The following MDGA1 variants were observed in gnomAD, a reference collection of about 807,000 sequenced individuals.
The protein encoded by MDGA1 is MAM domain-containing glycosylphosphatidylinositol anchor protein 1.
In MDGA1, 54 loss-of-function variants were observed where a neutral mutation model predicts 101.5. The observed-to-expected ratio is 0.53, with a 90% CI of 0.43 to 0.67. The LOEUF is 0.67. Ranked by LOEUF, MDGA1 falls within the 30% of genes least tolerant of loss-of-function variation. The probability of loss-of-function intolerance (pLI) is 0.00; values close to 1 mark genes in which losing one functional copy is unlikely to be tolerated. For missense variants in MDGA1, 1,083 were observed against 1,323.8 expected, an observed-to-expected ratio of 0.82 and a Z score of 2.82; for synonymous variants, 533 against 558.3, an observed-to-expected ratio of 0.95 and a Z score of 0.64.
intron 1 of MDGA1, among the ~76,000 whole-genome samples, chr6:37,666,037 C>T (rs1430167062): frequency 2.6e-5 from 4 of 152,034 alleles, no homozygotes; most frequent in South Asian, 2.1e-4. Flanking sequence ...CCCCATAGAA[C>T]GCAATCCTCT....
At chr6:37,647,008 C>T (rs932207491) in intron 10 of MDGA1, among the ~76,000 whole-genome samples, 165 bp downstream of exon 10, 1 of 152,200 alleles carries the variant, frequency 6.6e-6, no homozygotes, top group Non-Finnish European at 1.5e-5. Context: ...CAATCTCTTG[C>T]TGCTATGTCC....
Position 37,652,135 on chromosome 6 carries a change from G to T in MDGA1, c.1188C>A (p.Val396=). The T allele has an allele frequency of 6.2e-7, 1 of 1,613,916 alleles. No individual in the cohort carries two copies. Among genetic ancestry groups the T allele is most frequent in the South Asian group, 1.1e-5 (1 of 91,052 alleles). ...GGTCAATGAGCTCTAGGCTGCTGGT[G>T]ACTGCGGGCAGCTCAGGATCATTGC... ...VTRNDPELPA[V]TSSLELIDLH... Residue 396 remains valine (V), a synonymous_variant, in exon 7 of 17, where the codon GTC becomes GTA. Coordinates refer to ENST00000434837, the MANE Select transcript of MDGA1 (RefSeq NM_153487.4). The surrounding 1 kb of genome is among the most constrained non-coding windows in gnomAD (Gnocchi z 4.3).
In MDGA1 at chr6:37,654,360, T is replaced by C. The variant is rs781235121; in HGVS notation, c.896A>G (p.Gln299Arg). The change falls in exon 6 of 17, where the codon CAG becomes CGG. Residue 299 changes from glutamine to arginine, a missense_variant. Gln to Arg is a conservative substitution (Grantham distance 43). Around this residue, in one of 3 missense-constraint regions of MDGA1, gnomAD observed 116 missense variants for 196.6 expected, o/e 0.59. Coordinates refer to ENST00000434837, the MANE Select transcript of MDGA1 (RefSeq NM_153487.4). ...QGGTLSIPSV[Q>R]ARDSGYYNCT... ...GTTGTAGTAGCCAGAGTCCCGGGCC[T>C]GCACTGAAGGGATGCTGAGGGTGCC... 8.1e-6 allele frequency: 13 copies of C among 1,612,632 alleles called. No homozygotes were observed. Among genetic ancestry groups the C allele is most frequent in the Admixed American group, 5.0e-5 (3 of 59,866 alleles).
In MDGA1 at chr6:37,658,329, G is replaced by A. The variant is rs1201721134; in HGVS notation, c.298C>T (p.Arg100Cys). The change falls in exon 3 of 17, where the codon CGC (arginine) becomes TGC (cysteine). Residue 100 changes from arginine to cysteine, a missense_variant. Physicochemically the swap from Arg to Cys is radical, Grantham distance 180. Coordinates refer to ENST00000434837, the MANE Select transcript of MDGA1 (RefSeq NM_153487.4). ...CAGTAGTAGCGGCCGCCCTGCGTGCGTGCAATACGCTCGATGCGCAGCGTC... is the reference window on the plus strand; with the variant it reads ...CAGTAGTAGCGGCCGCCCTGCGTGCATGCAATACGCTCGATGCGCAGCGTC... ...NETLRIERIARTQGGRYYCKA... is the reference protein window; with the variant it reads ...NETLRIERIACTQGGRYYCKA... 1 of 1,612,972 alleles carries A rather than the reference G, an allele frequency of 6.2e-7. No homozygotes were observed. Among genetic ancestry groups the A allele is most frequent in the Non-Finnish European group, 8.5e-7 (1 of 1,179,644 alleles).
At chr6:37,685,158 C>T (rs369327539) in intron 1 of MDGA1, among the ~76,000 whole-genome samples, 2 of 152,056 alleles carry the variant, frequency 1.3e-5, no homozygotes, top group African/African-American at 4.8e-5. Flanking sequence ...AAAAATTAAC[C>T]GGGTGTGGTG....
rs1581640432 is a variant in MDGA1, at chr6:37,696,654, C to G, written c.67+91G>C. On this transcript the variant is annotated intron_variant, in intron 1 of 16. Transcript: ENST00000434837. The surrounding 1 kb of genome is among the most constrained non-coding windows in gnomAD (Gnocchi z 5.6). ...TCCACTCCAGAGTCCGAGTCGAGGT[C>G]TCCACCAAACCCCGGCAGCGCGCAC... 7 of 1,293,398 alleles carry G rather than the reference C, an allele frequency of 5.4e-6. No individual in the cohort carries two copies. In the East Asian group the frequency reaches 7.6e-5, roughly 14 times the overall value. The allele number at this position is 1,293,398 out of a possible 1,614,324, so 80.1% of individuals were successfully genotyped here.
rs377080724 is a variant in MDGA1 at position 37,647,277 on chromosome 6, G to A, written c.1942C>T (p.Arg648Cys). 11 of 1,557,882 alleles carry A rather than the reference G, an allele frequency of 7.1e-6. No individual in the cohort carries two copies. Among genetic ancestry groups the A allele is most frequent in the South Asian group, 1.2e-5 (1 of 84,384 alleles). ...EFYFDTPNPT[R>C]SHKLSKNYSY... ...TAGTTCTTGGACAGCTTGTGGCTGCGGGTGGGGTTGGGGGTGTCGAAGTAA... is the reference window on the plus strand; with the variant it reads ...TAGTTCTTGGACAGCTTGTGGCTGCAGGTGGGGTTGGGGGTGTCGAAGTAA... Residue 648 changes from arginine to cysteine, a missense_variant, in exon 10 of 17, where the codon CGC becomes TGC. This residue lies in a region of MDGA1 where 657 missense variants were observed against 771.4 expected (regional missense o/e 0.85). Coordinates refer to ENST00000434837, the MANE Select transcript of MDGA1 (RefSeq NM_153487.4).
intron 1 of MDGA1, among the ~76,000 whole-genome samples, chr6:37,692,266 C>G (rs1561866698): frequency 6.6e-6 from 1 of 152,144 alleles, no homozygotes; most frequent in Non-Finnish European, 1.5e-5. Flanking sequence ...ACACCCGATA[C>G]CTGGGACCGT....
intron 8 of MDGA1, among the ~76,000 whole-genome samples, chr6:37,649,526 T>C (rs1761306805): frequency 6.7e-6 from 1 of 149,760 alleles, no homozygotes; most frequent in Admixed American, 6.6e-5. Flanking sequence ...AGTGGGCCCC[T>C]CACCCCACGC....
intron 1 of MDGA1, among the ~76,000 whole-genome samples, chr6:37,678,566 T>TC (rs1468863919): frequency 6.6e-6 from 1 of 152,050 alleles, no homozygotes; most frequent in Non-Finnish European, 1.5e-5. Flanking sequence ...TGCCATCGGC[T>TC]CCCAGCCCCA....
At chr6:37,676,254 C>T (rs1411100453) in intron 1 of MDGA1, among the ~76,000 whole-genome samples, 1 of 152,248 alleles carries the variant, frequency 6.6e-6, no homozygotes, top group Non-Finnish European at 1.5e-5. Context: ...ACCGGAGACA[C>T]ACTGCCAGAT....
At chr6:37,660,157 T>C (rs1483693994) in intron 2 of MDGA1, among the ~76,000 whole-genome samples, 6 of 149,198 alleles carry the variant, frequency 4.0e-5, no homozygotes, top group Non-Finnish European at 8.9e-5. Flanking sequence ...GGACTACAGG[T>C]GTGTGCCACC....
chr6:37,641,723 ACTGGTTGTCCTAC>A (rs1485894114), intron 14 of MDGA1: 7 of 152,160 alleles, frequency 4.6e-5, no homozygotes, highest in African/African-American at 1.7e-4. Context: ...ACCCAAATGA[ACTGGTTGTCCTAC>A]CTGGGGAAGC....
intron 1 of MDGA1, among the ~76,000 whole-genome samples, chr6:37,667,350 C>A (rs1425630838): frequency 6.6e-6 from 1 of 152,186 alleles, no homozygotes; most frequent in African/African-American, 2.4e-5. Flanking sequence ...ATGCCTTGGG[C>A]AAGCCAATTC....
intron 1 of MDGA1, among the ~76,000 whole-genome samples, chr6:37,689,604 C>T (rs1397730225): frequency 6.6e-6 from 1 of 152,206 alleles, no homozygotes; most frequent in East Asian, 1.9e-4. Context: ...TGGGCTTTTA[C>T]AGCTGGTGTG....
intron 3 of MDGA1, among the ~76,000 whole-genome samples, chr6:37,656,377 C>CTTT (rs11396920): frequency 3.0e-4 from 43 of 142,782 alleles, no homozygotes; most frequent in Admixed American, 8.3e-4. Flanking sequence ...CGCCCGGACT[C>CTTT]TTTTTTTTTT....
At chr6:37,673,619 G>A (rs904477862) in intron 1 of MDGA1, among the ~76,000 whole-genome samples, 6 of 152,080 alleles carry the variant, frequency 3.9e-5, no homozygotes, top group African/African-American at 9.7e-5. Context: ...TCACTGCATC[G>A]GGAGTTGCTC....
Position 37,638,001 on chromosome 6 carries a change from G to T in MDGA1, c.2776+204C>A. 1 of 610,482 alleles carries T rather than the reference G, an allele frequency of 1.6e-6. No individual in the cohort carries two copies. The allele number at this position is 610,482 out of a possible 1,614,324, so 37.8% of individuals were successfully genotyped here. On this transcript the variant is annotated intron_variant, in intron 16 of 16. Transcript: ENST00000434837. The surrounding 1 kb of genome is among the most constrained non-coding windows in gnomAD (Gnocchi z 4.8). ...TCAGTATGCTCATCACGAGGGTGGG[G>T]GCCAGGCTTCTCATTGTTTACACAA... is the stretch of plus-strand genomic sequence containing the variant.
In MDGA1 at chr6:37,646,306, A is replaced by T. The variant is rs775637458; in HGVS notation, c.2116T>A (p.Tyr706Asn). The T allele has an allele frequency of 6.3e-7, 1 of 1,596,242 alleles. No individual in the cohort carries two copies. The highest frequency in any genetic ancestry group is 8.5e-7 in the Non-Finnish European group (1 of 1,170,576). ...RRVEKGQLLE[Y>N]ILTDLRVPHS... The stretch of plus-strand genomic sequence containing the variant: ...GGCACACGGAGATCGGTCAGGATGT[A>T]CTCCAGCAGCTGCCCCTTCTCCACA... The change falls in exon 11 of 17, where the codon TAC becomes AAC. Residue 706 changes from tyrosine to asparagine, a missense_variant. By Grantham distance (143) the Tyr-to-Asn change is moderately radical. Coordinates refer to ENST00000434837, the MANE Select transcript of MDGA1 (RefSeq NM_153487.4).
Sources: gnomAD v4.1 joint callset for allele counts (sites outside exome capture counted in the v4.1 genomes callset) on GRCh38, gnomAD v4.1.1 for gene constraint, gnomAD v4.1.1 regional missense constraint, Gnocchi (gnomAD v3.1) non-coding constraint, MANE v1.5 for transcripts, NCBI Gene and HGNC (gene_info 2026-07-23, HGNC 2026-07-21) for gene names.